Variants in ADARB2 observed in about 807,000 individuals in gnomAD.
ADARB2 encodes inactive double-stranded RNA-specific editase B2.
In ADARB2, 25 loss-of-function variants were observed where a neutral mutation model predicts 62.2. The ratio of observed to expected loss-of-function variants is 0.40; its 90% CI spans 0.29 to 0.56. ADARB2 has a LOEUF of 0.56. Among genes scored for constraint, ADARB2 ranks in the 20% least tolerant of loss-of-function variants. The pLI is 0.43. For synonymous variants in ADARB2, 572 were observed against 500.8 expected, an observed-to-expected ratio of 1.14 and a Z score of -1.90; for missense variants, 1,071 against 1,077.4, an observed-to-expected ratio of 0.99 and a Z score of 0.08.
intron 1 of ADARB2, among the ~76,000 whole-genome samples, chr10:1,649,410 C>T (rs1013568575): frequency 1.3e-5 from 2 of 152,182 alleles, no homozygotes; most frequent in Admixed American, 6.5e-5. Context: ...ATCTGGGCCC[C>T]TGTCCTGCCC....
chr10:1,725,515 C>A (rs1835152466), intron 1 of ADARB2, among the ~76,000 whole-genome samples: 1 of 140,410 alleles, frequency 7.1e-6, no homozygotes, highest in Non-Finnish European at 1.6e-5. Context: ...TGGGGGAAGA[C>A]CCCCTCCCCG....
intron 8 of ADARB2, among the ~76,000 whole-genome samples, chr10:1,191,300 C>T (rs1836841731): frequency 6.6e-6 from 1 of 152,248 alleles, no homozygotes; most frequent in African/African-American, 2.4e-5. Context: ...GTGCCACTGG[C>T]TGGATGTGCA....
chr10:1,594,865 C>T (rs1833309382), intron 1 of ADARB2, among the ~76,000 whole-genome samples: 1 of 152,202 alleles, frequency 6.6e-6, no homozygotes, highest in Non-Finnish European at 1.5e-5. Context: ...CGGGGCAGAG[C>T]AAGGCTTGAA....
Position 1,182,839 on chromosome 10 carries a change from G to A in ADARB2, c.*354C>T, listed in dbSNP as rs1037362201. The stretch of plus-strand genomic sequence containing the variant: ...GCACGCAGGGGTGGGGTGCAGGGAC[G>A]GGGCCTGAGGCTCACTCCTGCCTGG... On this transcript the variant is annotated 3_prime_UTR_variant, in exon 10 of 10. Coordinates refer to ENST00000381312, the MANE Select transcript of ADARB2 (RefSeq NM_018702.4). 4.7e-6 allele frequency: 1 copy of A among 213,628 alleles called. No homozygotes were observed. The highest frequency in any genetic ancestry group is 9.5e-5 in the South Asian group (1 of 10,568). The allele number at this position is 213,628 out of a possible 1,614,324, so 13.2% of individuals were successfully genotyped here. A position where few individuals can be genotyped will look rare whatever the true frequency, so the allele number is the denominator to read the frequency against.
Position 1,232,623 on chromosome 10 carries a change from G to A in ADARB2, c.1513+1071C>T, listed in dbSNP as rs543172014. Among the ~76,000 whole-genome samples, 34 of 149,636 alleles carry A rather than the reference G, an allele frequency of 2.3e-4. No homozygotes were observed. In the South Asian group the frequency reaches 6.9e-3, roughly 30 times the overall value. Reference sequence around the variant, plus strand: ...GTGGTATGTGTTTGTGGTATATGATGTGTGTGGTGTATGTGGTCTGTGTGT... The same window carrying A: ...GTGGTATGTGTTTGTGGTATATGATATGTGTGGTGTATGTGGTCTGTGTGT... On this transcript the variant is annotated intron_variant, in intron 6 of 9. Transcript: ENST00000381312.
intron 5 of ADARB2, among the ~76,000 whole-genome samples, chr10:1,241,699 G>A (rs112358404): frequency 5.9e-5 from 9 of 152,308 alleles, no homozygotes; most frequent in Middle Eastern, 3.4e-3. Flanking sequence ...AGGCCTCAGC[G>A]GCCTCTTCAC....
At chr10:1,511,326 G>T (rs920526423) in intron 1 of ADARB2, among the ~76,000 whole-genome samples, 1 of 152,198 alleles carries the variant, frequency 6.6e-6, no homozygotes, top group African/African-American at 2.4e-5. Flanking sequence ...CTACCCCATG[G>T]TGGGCTTTGA....
intron 1 of ADARB2, among the ~76,000 whole-genome samples, chr10:1,612,904 G>A (rs1463866155): frequency 6.6e-6 from 1 of 152,196 alleles, no homozygotes; most frequent in African/African-American, 2.4e-5. Context: ...AAACTATTGG[G>A]TTGTAGTGAT....
At chr10:1,258,449 A>ATGG (rs1255267977) in intron 4 of ADARB2, among the ~76,000 whole-genome samples, 8 of 152,140 alleles carry the variant, frequency 5.3e-5, no homozygotes, top group Admixed American at 2.0e-4. Flanking sequence ...GCTCAAAGGG[A>ATGG]TGGAGGAAGA....
intron 1 of ADARB2, among the ~76,000 whole-genome samples, chr10:1,447,623 G>A (rs1464644646): frequency 6.6e-6 from 1 of 152,088 alleles, no homozygotes; most frequent in East Asian, 1.9e-4. Flanking sequence ...GTGCAGGTTT[G>A]TTATACAGGT....
chr10:1,479,601 G>A (rs1197201418), intron 1 of ADARB2, among the ~76,000 whole-genome samples: 1 of 152,186 alleles, frequency 6.6e-6, no homozygotes, highest in Non-Finnish European at 1.5e-5. Context: ...AACCATGGGT[G>A]GCATTTGGGC....
intron 6 of ADARB2, among the ~76,000 whole-genome samples, chr10:1,226,051 C>G (rs974262914): frequency 2.0e-5 from 3 of 152,218 alleles, no homozygotes; most frequent in Non-Finnish European, 4.4e-5. Flanking sequence ...GTACACCAAT[C>G]AGACGTAGAT....
chr10:1,620,996 A>T (rs1343210279), intron 1 of ADARB2, among the ~76,000 whole-genome samples: 1 of 152,236 alleles, frequency 6.6e-6, no homozygotes, highest in Non-Finnish European at 1.5e-5. Context: ...ACTCATGCCC[A>T]GCTCCATCCT....
chr10:1,214,168 C>A (rs1837199834), intron 7 of ADARB2, among the ~76,000 whole-genome samples: 1 of 149,700 alleles, frequency 6.7e-6, no homozygotes, highest in Non-Finnish European at 1.5e-5. Context: ...TAGGTTTGCA[C>A]CTGTGCCCGG....
chr10:1,349,637 A>G (rs1019949711), intron 3 of ADARB2, among the ~76,000 whole-genome samples: 1 of 151,896 alleles, frequency 6.6e-6, no homozygotes, highest in East Asian at 1.9e-4. Context: ...TCTCCTTTCA[A>G]TCTTGGCGCC....
At chr10:1,244,716 T>C (rs1830966881) in intron 4 of ADARB2, among the ~76,000 whole-genome samples, 2 of 152,114 alleles carry the variant, frequency 1.3e-5, no homozygotes, top group African/African-American at 4.8e-5. Context: ...GCGGAAGTGC[T>C]GTACATGGAA....
At chr10:1,361,034 T>G (rs1000622230) in intron 3 of ADARB2, 5 of 152,172 alleles carry the variant, frequency 3.3e-5, no homozygotes, top group African/African-American at 1.2e-4. Flanking sequence ...AGTGGCAGGC[T>G]CAGCTGGGTG....
At chr10:1,294,307 A>AGT (rs956349793) in intron 3 of ADARB2, among the ~76,000 whole-genome samples, 1 of 152,158 alleles carries the variant, frequency 6.6e-6, no homozygotes, top group African/African-American at 2.4e-5. Context: ...TCACATGAGC[A>AGT]GTGTGTGTGC....
intron 1 of ADARB2, among the ~76,000 whole-genome samples, chr10:1,553,187 C>CA (rs1048760863): frequency 5.3e-5 from 8 of 152,204 alleles, no homozygotes; most frequent in South Asian, 2.1e-4. Flanking sequence ...CGTTAATTAC[C>CA]AAAAAAATGT....
Sources: gnomAD v4.1 joint callset for allele counts (sites outside exome capture counted in the v4.1 genomes callset) on GRCh38, gnomAD v4.1.1 for gene constraint, MANE v1.5 for transcripts, NCBI Gene and HGNC (gene_info 2026-07-23, HGNC 2026-07-21) for gene names.